Variants in PWWP3A observed in about 807,000 individuals in gnomAD.
PWWP3A encodes the protein PWWP domain-containing DNA repair factor 3A.
In PWWP3A, 53 loss-of-function variants were observed where a neutral mutation model predicts 79.0. The observed-to-expected ratio is 0.67, with a 90% CI of 0.54 to 0.84. The LOEUF is 0.84. Ranked by LOEUF, PWWP3A falls within the 40% of genes least tolerant of loss-of-function variation. The pLI is 0.00. For missense variants in PWWP3A, 973 were observed against 948.0 expected (o/e 1.03, Z -0.35); for synonymous variants, 443 against 394.4 (o/e 1.12, Z -1.46).
At chr19:1,376,463 A>G (rs1280710449) in intron 13 of PWWP3A, 56 bp from the exon 14 acceptor site, 7 of 1,581,652 alleles carry the variant, frequency 4.4e-6, no homozygotes, top group Non-Finnish European at 6.1e-6. Context: ...CCTCTCTCTC[A>G]TATTCTTTAA....
At chr19:1,371,171 C>G in intron 12 of PWWP3A, 93 bp downstream of exon 12, 1 of 1,430,450 alleles carries the variant, frequency 7.0e-7, no homozygotes, top group Non-Finnish European at 9.5e-7. Flanking sequence ...GTCCTCGCCC[C>G]TGCTCCCTGG....
At chr19:1,374,919 T>C (rs1410896347) in intron 13 of PWWP3A, among the ~76,000 whole-genome samples, 1 of 151,952 alleles carries the variant, frequency 6.6e-6, no homozygotes, top group Non-Finnish European at 1.5e-5. Context: ...AAAATAAATA[T>C]TATTTTAAAA....
chr19:1,372,853 G>A (rs2082291133), intron 12 of PWWP3A: 2 of 529,968 alleles, frequency 3.8e-6, no homozygotes, highest in Non-Finnish European at 6.7e-6. Context: ...AGTGATCTGA[G>A]CTATTGTGTC....
rs1057133804 is a variant in PWWP3A at position 1,377,824 on chromosome 19, C to T, written c.*1248C>T. 1.0e-4 allele frequency: 16 copies of T among 152,416 alleles called. No individual in the cohort carries two copies. The highest frequency in any genetic ancestry group is 1.0e-3 in the Admixed American group (16 of 15,302). The allele number at this position is 152,416 out of a possible 1,614,324, so 9.4% of individuals were successfully genotyped here. A position where few individuals can be genotyped will look rare whatever the true frequency, so the allele number is the denominator to read the frequency against. On this transcript the variant is annotated 3_prime_UTR_variant, in exon 14 of 14. Coordinates refer to ENST00000591337, the MANE Select transcript of PWWP3A (RefSeq NM_001369789.1). ...CCTTGCTTTGAGGGGCTGTGACCCT[C>T]TTCCCCCAGGCCCTCCCCAGCCGAC...
chr19:1,356,932 A>G (rs372303904), intron 2 of PWWP3A, 77 bp from the exon 3 acceptor site: 8 of 1,155,632 alleles, frequency 6.9e-6, no homozygotes, highest in South Asian at 6.6e-5. Flanking sequence ...TACCTGCTGC[A>G]TTTGTGCTAA....
intron 9 of PWWP3A, 46 bp downstream of exon 9, chr19:1,367,266 G>A: frequency 6.0e-6 from 9 of 1,496,036 alleles, no homozygotes; most frequent in Non-Finnish European, 8.4e-6. Flanking sequence ...TTTACTTTGT[G>A]ATTAGTAAAT....
chr19:1,361,715 T>C (rs1487903771), intron 5 of PWWP3A, among the ~76,000 whole-genome samples: 8 of 152,062 alleles, frequency 5.3e-5, no homozygotes, highest in African/African-American at 1.9e-4. Flanking sequence ...GTTGCCACGC[T>C]CTGAAGACAA....
In PWWP3A at chr19:1,376,540, C is replaced by G. The variant is rs2082406181; in HGVS notation, c.2097C>G (p.Asn699Lys). 6.2e-7 allele frequency: 1 copy of G among 1,613,512 alleles called. No individual in the cohort carries two copies. The highest frequency in any genetic ancestry group is 2.2e-5 in the East Asian group (1 of 44,866). The change falls in exon 14 of 14, where the codon AAC becomes AAG. Residue 699 changes from asparagine (N) to lysine (K), a missense_variant. By Grantham distance (94) the Asn-to-Lys change is moderately conservative. Transcript: ENST00000591337. ...LSYREKEIFD[N>K]QLLEERNRRR... is the part of the protein sequence containing the mutation. The stretch of plus-strand genomic sequence containing the variant: ...GAAGGGAAAAAGAAATATTTGACAA[C>G]CAGCTCCTTGAAGAGCGGAACCGGC...
rs1335147241 is a variant in PWWP3A, at chr19:1,370,844, C to G, written c.1752C>G (p.Gly584=). 1.3e-6 allele frequency: 2 copies of G among 1,569,304 alleles called. No individual in the cohort carries two copies. ...KLVEYIVKAK[G]AESHLRAILK... ...TGGAGTACATTGTGAAGGCCAAGGG[C>G]GCGGAGAGCCACCTGCGGGCCATCC... Residue 584 remains glycine (G), a synonymous_variant, in exon 12 of 14, where the codon GGC becomes GGG. Transcript: ENST00000591337.
intron 4 of PWWP3A, chr19:1,359,613 T>C (rs1482227123): frequency 6.6e-6 from 1 of 152,274 alleles, no homozygotes; most frequent in Non-Finnish European, 1.5e-5. Flanking sequence ...AGGCCCACGA[T>C]GCTCTTTGCT....
intron 2 of PWWP3A, 71 bp from the exon 3 acceptor site, chr19:1,356,938 G>A (rs1275773159): frequency 4.1e-6 from 5 of 1,234,240 alleles, no homozygotes; most frequent in Non-Finnish European, 5.9e-6. Flanking sequence ...CTGCATTTGT[G>A]CTAAAGTTTG....
In PWWP3A at chr19:1,360,492, G is replaced by T. The variant is rs145354937; in HGVS notation, c.571G>T (p.Val191Phe). ...AAGTGAAAACCCAAGAGGCCCGTTG[G>T]TCCTCCCAGCTGGAGGTGGTGCCCA... Reference protein sequence around the residue: ...RKSENPRGPLVLPAGGGAQDE... With the variant: ...RKSENPRGPLFLPAGGGAQDE... Residue 191 changes from valine to phenylalanine, a missense_variant, in exon 5 of 14, where the codon GTC becomes TTC. Physicochemically the swap from Val to Phe is conservative, Grantham distance 50. Transcript: ENST00000591337. This position sits in a 1 kb window ranked among gnomAD's most constrained non-coding sequence, Gnocchi z 4.4. 219 of 1,614,210 alleles carry T rather than the reference G, an allele frequency of 1.4e-4. 1 individual carries two copies. In the African/African-American group the frequency reaches 2.5e-3, roughly 18 times the overall value.
intron 11 of PWWP3A, among the ~76,000 whole-genome samples, 198 bp from the exon 12 acceptor site, chr19:1,370,444 A>AG (rs1335775199): frequency 6.6e-6 from 1 of 151,974 alleles, no homozygotes; most frequent in Non-Finnish European, 1.5e-5. Flanking sequence ...GGGCCCAGTG[A>AG]GGGGGGAAAG....
At position 1,369,600 on chromosome 19, in the gene PWWP3A, C is replaced by A. The variant is rs151325325; in HGVS notation, c.1503C>A (p.Cys501Ter). 1.2e-6 allele frequency: 2 copies of A among 1,614,162 alleles called. No individual in the cohort carries two copies. The highest frequency in any genetic ancestry group is 1.7e-6 in the Non-Finnish European group (2 of 1,180,006). ...LITDYRVRLGCGSFAGSFLEY... is the reference protein window; with the variant it reads ...LITDYRVRLG ...TCTCCCCTCCACCCCCTGCAGGCTG[C>A]GGGTCTTTTGCTGGCTCTTTCCTGG... Residue 501 changes from cysteine (C) to a stop codon, truncating the protein, a stop_gained, in exon 11 of 14, where the codon TGC becomes TGA. Transcript: ENST00000591337. LOFTEE classifies it high-confidence loss of function. This position sits in a 1 kb window ranked among gnomAD's most constrained non-coding sequence, Gnocchi z 4.0.
At chr19:1,358,211 A>C in intron 3 of PWWP3A, 183 bp from the exon 4 acceptor site, 3 of 501,750 alleles carry the variant, frequency 6.0e-6, no homozygotes, top group Non-Finnish European at 3.5e-6. Flanking sequence ...AAAACCATTC[A>C]CCAGGGTTCT....
intron 3 of PWWP3A, 27 bp downstream of exon 3, chr19:1,357,121 G>GT (rs754882303): frequency 3.2e-6 from 5 of 1,542,028 alleles, no homozygotes; most frequent in Non-Finnish European, 4.4e-6. Flanking sequence ...TTTTAATACT[G>GT]TTTTTTCCCG....
At chr19:1,357,214 GTGT>G in intron 3 of PWWP3A, 120 bp downstream of exon 3, 1 of 686,414 alleles carries the variant, frequency 1.5e-6, no homozygotes, top group Non-Finnish European at 2.5e-6. Flanking sequence ...TTCACCATTT[GTGT>G]AATTCATTAA....
chr19:1,362,336 G>A lies in PWWP3A; in HGVS notation c.1198G>A (p.Val400Ile), dbSNP rs2082035895. 6.2e-7 allele frequency: 1 copy of A among 1,613,986 alleles called. No individual in the cohort carries two copies. Among genetic ancestry groups the A allele is most frequent in the South Asian group, 1.1e-5 (1 of 91,066 alleles). The change falls in exon 6 of 14, where the codon GTC becomes ATC. Residue 400 changes from valine to isoleucine, a missense_variant. Transcript: ENST00000591337. The part of the protein sequence containing the change: ...EDEEDEEPPR[V>I]LLYHEPRSFE... ...CGAGGAAGACGAGGAGCCACCAAGA[G>A]TCCTTTTATACCACGGTAAGAAATG...
chr19:1,361,125 C>A, intron 5 of PWWP3A, 93 bp downstream of exon 5: 2 of 1,284,240 alleles, frequency 1.6e-6, no homozygotes, highest in Non-Finnish European at 1.0e-6. Context: ...TGTTTTTGAC[C>A]AGATTTTAAT....
Sources: gnomAD v4.1 joint callset for allele counts (sites outside exome capture counted in the v4.1 genomes callset) on GRCh38, gnomAD v4.1.1 for gene constraint, Gnocchi (gnomAD v3.1) non-coding constraint, MANE v1.5 for transcripts, NCBI Gene and HGNC (gene_info 2026-07-23, HGNC 2026-07-21) for gene names.